Variants in PRDM16 observed in about 807,000 individuals in gnomAD.
The protein encoded by PRDM16 is PR/SET domain 16.
Under a neutral mutation model 110.6 loss-of-function variants are expected in PRDM16, and 23 were observed. The ratio of observed to expected loss-of-function variants is 0.21; its 90% CI spans 0.15 to 0.29. PRDM16 has a LOEUF of 0.29. Among genes scored for constraint, PRDM16 ranks in the 10% least tolerant of loss-of-function variants. The probability of loss-of-function intolerance (pLI) is 1.00; values close to 1 mark genes in which losing one functional copy is unlikely to be tolerated. For missense variants in PRDM16, 1,615 were observed against 1,794.3 expected (o/e 0.90, Z 1.81); for synonymous variants, 799 against 781.8 (o/e 1.02, Z -0.37).
At chr1:3,397,025 A>G (rs1250013410) in intron 5 of PRDM16, among the ~76,000 whole-genome samples, 1 of 152,178 alleles carries the variant, frequency 6.6e-6, no homozygotes, top group East Asian at 1.9e-4. Flanking sequence ...AACAAACACC[A>G]AGCCAGTTTT....
intron 1 of PRDM16, among the ~76,000 whole-genome samples, chr1:3,127,389 C>T (rs750947139): frequency 1.2e-4 from 18 of 152,208 alleles, no homozygotes; most frequent in African/African-American, 4.3e-4. Flanking sequence ...ACGATGCCCT[C>T]GTGAGATAGA....
At chr1:3,262,978 G>A (rs1229336652) in intron 3 of PRDM16, among the ~76,000 whole-genome samples, 2 of 152,178 alleles carry the variant, frequency 1.3e-5, no homozygotes, top group Admixed American at 6.5e-5. Flanking sequence ...CCTCCGGCAG[G>A]GCCATAGAGA....
At chr1:3,168,286 TC>T (rs1643984488) in intron 1 of PRDM16, among the ~76,000 whole-genome samples, 1 of 25,610 alleles carries the variant, frequency 3.9e-5, no homozygotes, top group Non-Finnish European at 7.1e-5. Flanking sequence ...ACTCCTGCCA[TC>T]CTCCCGCCCC....
In PRDM16 at chr1:3,081,136, C is replaced by G. The variant is rs922592787; in HGVS notation, c.37+11840C>G. 6.6e-5 allele frequency among the ~76,000 whole-genome samples: 10 copies of G among 152,212 alleles called. No individual in the cohort carries two copies. The highest frequency in any genetic ancestry group is 1.5e-4 in the Non-Finnish European group (10 of 68,042). On this transcript the variant is annotated intron_variant, in intron 1 of 16. Coordinates refer to ENST00000270722, the MANE Select transcript of PRDM16 (RefSeq NM_022114.4). This position sits in a 1 kb window ranked among gnomAD's most constrained non-coding sequence, Gnocchi z 4.6. ...GGCCCCGGAGTCTTAACTTTCCCTC[C>G]GTCGAAGGTGTTAGTCTTACCTTCC...
At chr1:3,181,184 GCAGTCTTA>G (rs1156878112) in intron 1 of PRDM16, among the ~76,000 whole-genome samples, 1 of 123,408 alleles carries the variant, frequency 8.1e-6, no homozygotes, top group African/African-American at 3.2e-5. Context: ...TCTTACACAC[GCAGTCTTA>G]CGGTCTTACA....
chr1:3,188,722 G>T (rs914300249), intron 2 of PRDM16, among the ~76,000 whole-genome samples: 2 of 152,194 alleles, frequency 1.3e-5, no homozygotes, highest in Non-Finnish European at 2.9e-5. Flanking sequence ...TTTGAGTTTT[G>T]TTGCTTCTAT....
At chr1:3,409,697 G>A (rs1345135364) in intron 8 of PRDM16, among the ~76,000 whole-genome samples, 3 of 150,040 alleles carry the variant, frequency 2.0e-5, no homozygotes, top group Non-Finnish European at 4.4e-5. Context: ...TGTGTGTGGT[G>A]TATGTGCATG....
At chr1:3,295,129 GC>G (rs1489683417) in intron 3 of PRDM16, among the ~76,000 whole-genome samples, 4 of 152,226 alleles carry the variant, frequency 2.6e-5, no homozygotes, top group African/African-American at 9.7e-5. Context: ...GTTGTGGCCA[GC>G]CCGTCTGTAC....
At chr1:3,176,188 C>CATCCATCCATCT (rs1644085893) in intron 1 of PRDM16, among the ~76,000 whole-genome samples, 1 of 151,852 alleles carries the variant, frequency 6.6e-6, no homozygotes, top group African/African-American at 2.4e-5. Context: ...TCTATCCATC[C>CATCCATCCATCT]ATCCATTTAC....
At chr1:3,119,651 T>C (rs1557461802) in intron 1 of PRDM16, among the ~76,000 whole-genome samples, 2 of 152,178 alleles carry the variant, frequency 1.3e-5, no homozygotes, top group South Asian at 2.1e-4. Flanking sequence ...CATGGCCCGA[T>C]GAGGCAGATA....
At chr1:3,349,028 TG>T (rs1044320215) in intron 3 of PRDM16, among the ~76,000 whole-genome samples, 1 of 142,032 alleles carries the variant, frequency 7.0e-6, no homozygotes, top group African/African-American at 2.6e-5. Context: ...TTGGTGGGGG[TG>T]GGGGCGGGGC....
Position 3,412,097 on chromosome 1 carries a change from G to C in PRDM16, c.1900G>C (p.Asp634His). The C allele has an allele frequency of 1.3e-6, 2 of 1,585,366 alleles. No individual in the cohort carries two copies. Among genetic ancestry groups the C allele is most frequent in the Non-Finnish European group, 1.7e-6 (2 of 1,164,128 alleles). ...GGACAGCGACGTGGACAGCGACCCTGACAAGGACAAGGGCAAGGGCAAGTC... is the reference window on the plus strand; with the variant it reads ...GGACAGCGACGTGGACAGCGACCCTCACAAGGACAAGGGCAAGGGCAAGTC... ...DLDSDVDSDPDKDKGKGKSAE... is the reference protein window; with the variant it reads ...DLDSDVDSDPHKDKGKGKSAE... The change falls in exon 9 of 17, where the codon GAC becomes CAC. Residue 634 changes from aspartate (D) to histidine (H), a missense_variant. By Grantham distance (81) the Asp-to-His change is moderately conservative (BLOSUM62 -1). Transcript: ENST00000270722.
intron 12 of PRDM16, among the ~76,000 whole-genome samples, chr1:3,422,116 G>GGC (rs1436308611): frequency 6.6e-6 from 1 of 150,970 alleles, no homozygotes; most frequent in African/African-American, 2.4e-5. Context: ...TGGACAGACA[G>GGC]ATGGACAGAC....
intron 1 of PRDM16, among the ~76,000 whole-genome samples, chr1:3,118,195 G>A (rs567073714): frequency 6.6e-6 from 1 of 151,668 alleles, no homozygotes; most frequent in African/African-American, 2.4e-5. Context: ...GTGCATGCAT[G>A]TACACACGCA....
intron 3 of PRDM16, among the ~76,000 whole-genome samples, chr1:3,354,799 A>C (rs1642560911): frequency 6.6e-6 from 1 of 152,168 alleles, no homozygotes; most frequent in Admixed American, 6.5e-5. Flanking sequence ...ATACCAAGTC[A>C]TGCACAGACA....
intron 1 of PRDM16, among the ~76,000 whole-genome samples, chr1:3,123,475 T>G (rs1643139521): frequency 6.6e-6 from 1 of 152,224 alleles, no homozygotes; most frequent in African/African-American, 2.4e-5. Flanking sequence ...GCGGCCTTCC[T>G]GGAGGAGGGG....
chr1:3,365,628 C>G (rs534381838), intron 3 of PRDM16, among the ~76,000 whole-genome samples: 2 of 152,212 alleles, frequency 1.3e-5, no homozygotes, highest in Admixed American at 6.5e-5. Flanking sequence ...AGGCAGCCAG[C>G]GGCCCTGAAT....
intron 2 of PRDM16, among the ~76,000 whole-genome samples, chr1:3,242,102 A>G (rs112965844): frequency 2.6e-5 from 4 of 152,110 alleles, no homozygotes; most frequent in African/African-American, 9.7e-5. Context: ...AGGCCACCAA[A>G]TGCTCCCAGG....
intron 1 of PRDM16, among the ~76,000 whole-genome samples, chr1:3,165,361 T>G (rs1454785722): frequency 1.1e-4 from 13 of 117,028 alleles, no homozygotes; most frequent in East Asian, 5.5e-4. Flanking sequence ...TCAGGGACGG[T>G]GACTCACCTG....
Sources: gnomAD v4.1 joint callset for allele counts (sites outside exome capture counted in the v4.1 genomes callset) on GRCh38, gnomAD v4.1.1 for gene constraint, Gnocchi (gnomAD v3.1) non-coding constraint, MANE v1.5 for transcripts, NCBI Gene and HGNC (gene_info 2026-07-23, HGNC 2026-07-21) for gene names.